Variants in AOPEP observed in about 807,000 individuals in gnomAD.
AOPEP encodes aminopeptidase O (putative), also known as aminopeptidase O.
AOPEP carries 77 observed loss-of-function variants against 98.1 expected under a neutral mutation model. The observed-to-expected ratio is 0.78, with a 90% confidence interval of 0.65 to 0.95. The LOEUF is 0.95. AOPEP is among the 40% of genes least tolerant of loss of function. The probability of loss-of-function intolerance (pLI) is 0.00; values close to 1 mark genes in which losing one functional copy is unlikely to be tolerated. For missense variants in AOPEP, 1,024 were observed against 1,024.7 expected, an observed-to-expected ratio of 1.00 and a Z score of 0.01; for synonymous variants, 346 against 365.3, an observed-to-expected ratio of 0.95 and a Z score of 0.60.
chr9:94,956,242 A>G (rs1192210814), intron 9 of AOPEP, among the ~76,000 whole-genome samples: 1 of 152,202 alleles, frequency 6.6e-6, no homozygotes, highest in Non-Finnish European at 1.5e-5. Flanking sequence ...GTACACAGTG[A>G]TAGTTAAAGA....
chr9:94,890,619 G>T (rs1170654111), intron 5 of AOPEP, among the ~76,000 whole-genome samples: 1 of 151,908 alleles, frequency 6.6e-6, no homozygotes, highest in Non-Finnish European at 1.5e-5. Flanking sequence ...AATGTCAGCA[G>T]TTCTATACAT....
intron 5 of AOPEP, among the ~76,000 whole-genome samples, chr9:94,858,376 G>T (rs1199557150): frequency 4.9e-5 from 2 of 40,870 alleles, no homozygotes; most frequent in African/African-American, 7.5e-5. Flanking sequence ...CACGAACTTG[G>T]TGACTTAAAA....
chr9:94,845,320 C>G (rs2042726597), intron 5 of AOPEP, among the ~76,000 whole-genome samples: 1 of 152,166 alleles, frequency 6.6e-6, no homozygotes, highest in African/African-American at 2.4e-5. Flanking sequence ...GGCCAGGCTG[C>G]TGGTGTTGAA....
chr9:94,775,480 T>C (rs1291749538), intron 3 of AOPEP, among the ~76,000 whole-genome samples: 5 of 151,846 alleles, frequency 3.3e-5, no homozygotes, highest in Admixed American at 6.6e-5. Flanking sequence ...GGCGATTCTG[T>C]CTCGGCCTCC....
At chr9:94,806,431 A>G (rs900070699) in intron 5 of AOPEP, among the ~76,000 whole-genome samples, 1 of 152,124 alleles carries the variant, frequency 6.6e-6, no homozygotes, top group Non-Finnish European at 1.5e-5. Context: ...AGCTCATACC[A>G]TCCTTTTTTT....
intron 7 of AOPEP, chr9:94,932,469 T>TTTTC (rs909140046): frequency 1.0e-4 from 19 of 183,826 alleles, no homozygotes; most frequent in African/African-American, 3.1e-4. Context: ...TCTTTTTTTC[T>TTTTC]TTTCTTTCTT....
intron 11 of AOPEP, among the ~76,000 whole-genome samples, chr9:94,986,321 C>A (rs1014279957): frequency 1.3e-5 from 2 of 152,340 alleles, no homozygotes; most frequent in Non-Finnish European, 2.9e-5. Flanking sequence ...TTAATTTCCT[C>A]CCTAAAGGCC....
chr9:94,766,374 TAA>T (rs1202552145), intron 2 of AOPEP, among the ~76,000 whole-genome samples: 1 of 152,100 alleles, frequency 6.6e-6, no homozygotes, highest in Non-Finnish European at 1.5e-5. Context: ...CCGTCTCTAC[TAA>T]AATACAAAAA....
chr9:94,928,218 C>T (rs1324452214), intron 6 of AOPEP, among the ~76,000 whole-genome samples: 2 of 152,138 alleles, frequency 1.3e-5, no homozygotes, highest in Non-Finnish European at 2.9e-5. Context: ...CCCAGCTCCA[C>T]GGCCAGCAGC....
At chr9:94,992,295 G>T (rs1337512038) in intron 11 of AOPEP, among the ~76,000 whole-genome samples, 5 of 152,220 alleles carry the variant, frequency 3.3e-5, no homozygotes, top group Non-Finnish European at 7.3e-5. Flanking sequence ...TTGGTAAGGA[G>T]TCTGTTGCAA....
intron 5 of AOPEP, among the ~76,000 whole-genome samples, chr9:94,814,685 A>T (rs1851333275): frequency 6.6e-6 from 1 of 152,202 alleles, no homozygotes; most frequent in African/African-American, 2.4e-5. Flanking sequence ...CTCAAGAGCA[A>T]ACAAATACTG....
chr9:95,148,772 A>C, the AOPEP span, among the ~76,000 whole-genome samples: 2 of 152,238 alleles, frequency 1.3e-5, no homozygotes, highest in Non-Finnish European at 2.9e-5. Flanking sequence ...ATGGGTTTCT[A>C]ATGTAACAGA....
At chr9:95,062,792 C>G (rs1041041000) in intron 14 of AOPEP, among the ~76,000 whole-genome samples, 8 of 152,190 alleles carry the variant, frequency 5.3e-5, no homozygotes, top group Admixed American at 5.2e-4. Context: ...TGAATACTAT[C>G]TCAGGTTATG....
At chr9:94,805,622 T>G (rs1370841112) in intron 5 of AOPEP, among the ~76,000 whole-genome samples, 2 of 152,216 alleles carry the variant, frequency 1.3e-5, no homozygotes, top group Admixed American at 1.3e-4. Context: ...TAAAGCTCCC[T>G]ATTACACAAG....
intron 13 of AOPEP, among the ~76,000 whole-genome samples, chr9:95,046,775 A>G (rs941941310): frequency 6.6e-6 from 1 of 152,140 alleles, no homozygotes; most frequent in Admixed American, 6.5e-5. Context: ...TCATTTCTAT[A>G]TTTTTACTTC....
chr9:94,908,526 G>A (rs894804195), intron 5 of AOPEP, among the ~76,000 whole-genome samples: 5 of 152,184 alleles, frequency 3.3e-5, no homozygotes, highest in African/African-American at 9.7e-5. Context: ...TGTTTGCTGC[G>A]TGCCAGGTAC....
intron 1 of AOPEP, among the ~76,000 whole-genome samples, chr9:94,744,258 G>T (rs1196273964): frequency 6.6e-6 from 1 of 152,106 alleles, no homozygotes; most frequent in African/African-American, 2.4e-5. Flanking sequence ...TGGGTGTGGT[G>T]GCAGGCGCCT....
chr9:94,845,065 T>C (rs777459527), intron 5 of AOPEP, among the ~76,000 whole-genome samples: 1 of 152,242 alleles, frequency 6.6e-6, no homozygotes, highest in African/African-American at 2.4e-5. Context: ...GAACTTGAGT[T>C]CTGCTAGGGG....
intron 5 of AOPEP, among the ~76,000 whole-genome samples, chr9:94,859,058 G>C (rs1446760419): frequency 2.7e-5 from 4 of 150,630 alleles, no homozygotes; most frequent in African/African-American, 9.8e-5. Flanking sequence ...AGTGGAGGTT[G>C]CAGTGAGCTG....
Sources: allele counts gnomAD v4.1 joint callset (sites outside exome capture counted in the v4.1 genomes callset), GRCh38; gene constraint gnomAD v4.1.1; transcripts MANE v1.5; gene names NCBI Gene and HGNC (gene_info 2026-07-23, HGNC 2026-07-21).